The following TRPM1 variants were observed in gnomAD, a reference collection of about 807,000 sequenced individuals.
TRPM1 encodes transient receptor potential cation channel subfamily M member 1.
In TRPM1, 113 loss-of-function variants were observed where a neutral mutation model predicts 149.4. That is an observed-to-expected ratio of 0.76 (90% CI 0.65 to 0.88). The LOEUF (loss-of-function observed/expected upper bound fraction) is 0.88. TRPM1 is among the 40% of genes least tolerant of loss of function. TRPM1 has a pLI of 0.00. For synonymous variants in TRPM1, 741 were observed against 759.5 expected (o/e 0.98, Z 0.40); for missense variants, 1,976 against 2,038.7 (o/e 0.97, Z 0.59).
intron 2 of TRPM1, 68 bp downstream of exon 2, chr15:31,081,285 C>T: frequency 1.2e-6 from 1 of 864,602 alleles, no homozygotes; most frequent in African/African-American, 1.9e-5. Context: ...AAAACGCTAG[C>T]ATGTGACTAA....
chr15:31,134,956 AGATC>A (rs1384372879), intron 1 of TRPM1, among the ~76,000 whole-genome samples: 2 of 152,198 alleles, frequency 1.3e-5, no homozygotes, highest in Non-Finnish European at 2.9e-5. Flanking sequence ...CAGTGAGCCA[AGATC>A]GTACTCCAGC....
chr15:31,070,590 T>C, intron 3 of TRPM1: 1 of 443,302 alleles, frequency 2.3e-6, no homozygotes, highest in Non-Finnish European at 4.4e-6. Flanking sequence ...CTTTCTCTTG[T>C]CATTCAGGTT....
chr15:31,051,423 A>G (rs954419729), intron 11 of TRPM1, among the ~76,000 whole-genome samples: 1 of 152,040 alleles, frequency 6.6e-6, no homozygotes, highest in African/African-American at 2.4e-5. Context: ...TGCTTCTTCC[A>G]TCTGTCCTGG....
At chr15:31,160,960 C>T (rs2036437271) in exon 1 of TRPM1, 1 of 1,535,318 alleles carries the variant, frequency 6.5e-7, no homozygotes, top group South Asian at 1.2e-5. Context: ...AGGAGCTCAT[C>T]TCTCTCAGTG....
intron 27 of TRPM1, among the ~76,000 whole-genome samples, chr15:31,010,314 G>C (rs2032139300): frequency 6.6e-6 from 1 of 152,176 alleles, no homozygotes; most frequent in African/African-American, 2.4e-5. Context: ...TGTGCGTGCA[G>C]CCCAGTAGTC....
Position 31,042,146 on chromosome 15 carries a change from T to A in TRPM1, c.1892A>T (p.Gln631Leu). ...CACCATCAGCTCGTGGAAGGGATAC[T>A]GGAACCGACTCACGGCAGGGTCGTC... The part of the protein sequence containing the change: ...DVDDPAVSRF[Q>L]YPFHELMVWA... Residue 631 changes from glutamine (Q) to leucine (L), a missense_variant, in exon 17 of 28, where the codon CAG becomes CTG. Gln to Leu is a moderately radical substitution (Grantham distance 113, BLOSUM62 -2). This residue lies in a region of TRPM1 where 1,332 missense variants were observed against 1,347.1 expected (regional missense o/e 0.99). Coordinates refer to ENST00000256552, the MANE Select transcript of TRPM1 (RefSeq NM_001252024.2). 1 of 1,614,252 alleles carries A rather than the reference T, an allele frequency of 6.2e-7. No homozygotes were observed. The highest frequency in any genetic ancestry group is 8.5e-7 in the Non-Finnish European group (1 of 1,180,044).
At chr15:31,019,596 T>G (rs566580036) in intron 27 of TRPM1, among the ~76,000 whole-genome samples, 1 of 152,350 alleles carries the variant, frequency 6.6e-6, no homozygotes, top group South Asian at 2.1e-4. Context: ...GAGACAGGAT[T>G]TCACCATATT....
At chr15:31,008,139 T>A (rs1470302910) in intron 27 of TRPM1, among the ~76,000 whole-genome samples, 4 of 152,244 alleles carry the variant, frequency 2.6e-5, no homozygotes, top group African/African-American at 9.6e-5. Context: ...CATCTATAAA[T>A]AGGAATGGTT....
At chr15:31,057,853 G>C (rs1353914877) in intron 11 of TRPM1, among the ~76,000 whole-genome samples, 1 of 152,190 alleles carries the variant, frequency 6.6e-6, no homozygotes, top group African/African-American at 2.4e-5. Flanking sequence ...TAGTGAAAGA[G>C]TTCTTATGAG....
intron 27 of TRPM1, among the ~76,000 whole-genome samples, chr15:31,022,997 G>C (rs1302043966): frequency 6.6e-6 from 1 of 152,252 alleles, no homozygotes; most frequent in Non-Finnish European, 1.5e-5. Context: ...ACTGGGCACA[G>C]AGCGAGACCT....
At chr15:31,154,534 C>T (rs2036342891) in intron 1 of TRPM1, among the ~76,000 whole-genome samples, 1 of 152,226 alleles carries the variant, frequency 6.6e-6, no homozygotes, top group African/African-American at 2.4e-5. Flanking sequence ...TTCCTGGGCG[C>T]AGGCTGAACT....
intron 27 of TRPM1, among the ~76,000 whole-genome samples, chr15:31,019,650 C>T (rs1020370251): frequency 1.3e-5 from 2 of 152,188 alleles, no homozygotes; most frequent in African/African-American, 2.4e-5. Flanking sequence ...GATCTGCCCA[C>T]CTCGGCCTCC....
chr15:31,143,421 T>G (rs1445927453), intron 1 of TRPM1, among the ~76,000 whole-genome samples: 1 of 152,114 alleles, frequency 6.6e-6, no homozygotes, highest in Non-Finnish European at 1.5e-5. Context: ...GTTTTGTTTT[T>G]TTGAGACAAA....
intron 1 of TRPM1, among the ~76,000 whole-genome samples, chr15:31,136,258 T>C (rs533624447): frequency 2.5e-4 from 38 of 151,874 alleles, no homozygotes; most frequent in Non-Finnish European, 5.2e-4. Flanking sequence ...CAGCAGGAGG[T>C]GTCTGGAGGC....
In TRPM1 at chr15:31,068,100, A is replaced by AG; in HGVS notation, c.280-9dup. 6.2e-7 allele frequency: 1 copy of AG among 1,612,266 alleles called. No homozygotes were observed. Among genetic ancestry groups the AG allele is most frequent in the South Asian group, 1.1e-5 (1 of 91,052 alleles). On this transcript the variant is annotated splice_polypyrimidine_tract_variant and intron_variant, in intron 4 of 27. Coordinates refer to ENST00000256552, the MANE Select transcript of TRPM1 (RefSeq NM_001252024.2). The stretch of plus-strand genomic sequence containing the variant: ...ATAGGATACACGGATATACTGTGAA[A>AG]GAGTGTGTGGCACTCAGCCTCTGTT...
rs2033166149 is a variant in TRPM1, at chr15:31,033,011, A to G, written c.2701-71T>C. The G allele has an allele frequency of 3.8e-6, 6 of 1,598,386 alleles. No homozygotes were observed. In the South Asian group the frequency reaches 6.6e-5, roughly 18 times the overall value. On this transcript the variant is annotated intron_variant, in intron 21 of 27. Transcript: ENST00000256552. ...AAGTCTTGTCTTAGAATCTTGGAAC[A>G]ATAAGACTGATGGAACATTCCAGGT... is the stretch of plus-strand genomic sequence containing the variant.
intron 2 of TRPM1, among the ~76,000 whole-genome samples, chr15:31,077,629 A>T (rs8042645): frequency 0.54 from 82,707 of 151,878 alleles, 22,863 homozygotes; most frequent in East Asian, 0.79. Flanking sequence ...GGCCTCGGGG[A>T]TCCCTGGAAG....
At chr15:31,050,657 TC>T (rs2140941303) in intron 11 of TRPM1, 75 bp from the exon 12 acceptor site, 2 of 1,532,540 alleles carry the variant, frequency 1.3e-6, no homozygotes, top group South Asian at 2.2e-5. Flanking sequence ...TCATTGACCC[TC>T]CCACCTCTGT....
intron 7 of TRPM1, 146 bp downstream of exon 7, chr15:31,065,930 G>T: frequency 1.0e-6 from 1 of 974,242 alleles, no homozygotes; most frequent in Admixed American, 2.3e-5. Context: ...GCTAAGGTAA[G>T]ACATCTAGGT....
Sources: gnomAD v4.1 joint callset for allele counts (sites outside exome capture counted in the v4.1 genomes callset) on GRCh38, gnomAD v4.1.1 for gene constraint, gnomAD v4.1.1 regional missense constraint, MANE v1.5 for transcripts, NCBI Gene and HGNC (gene_info 2026-07-23, HGNC 2026-07-21) for gene names.